Variants in MRPS31 observed in about 807,000 individuals in gnomAD.
MRPS31 encodes the protein mitochondrial ribosomal protein S31.
In MRPS31, 32 loss-of-function variants were observed where a neutral mutation model predicts 43.1. The observed-to-expected ratio is 0.74, with a 90% CI of 0.56 to 1.00. The LOEUF is 1.00. Among genes scored for constraint, MRPS31 ranks in the 50% least tolerant of loss-of-function variants. The pLI is 0.00. For synonymous variants in MRPS31, 165 were observed against 161.6 expected, an observed-to-expected ratio of 1.02 and a Z score of -0.16; for missense variants, 437 against 466.7, an observed-to-expected ratio of 0.94 and a Z score of 0.59.
Position 40,770,999 on chromosome 13 carries a change from T to A in MRPS31, c.138A>T (p.Ser46=), listed in dbSNP as rs199578471. Residue 46 remains serine (S), a synonymous_variant, in exon 1 of 7, where the codon TCA becomes TCT. Coordinates refer to ENST00000323563, the MANE Select transcript of MRPS31 (RefSeq NM_005830.4). ...TGAGGACCTACCGGGCCAACAGCGCTGAACTGCGGTACCTGACTGTTCCGT... is the reference window on the plus strand; with the variant it reads ...TGAGGACCTACCGGGCCAACAGCGCAGAACTGCGGTACCTGACTGTTCCGT... The part of the protein sequence containing the change: ...VRHGTVRYRS[S]ALLARTKNNI... 7.4e-5 allele frequency: 119 copies of A among 1,614,130 alleles called. No homozygotes were observed. In the African/African-American group the frequency reaches 1.4e-3, roughly 19 times the overall value.
intron 2 of MRPS31, among the ~76,000 whole-genome samples, chr13:40,763,616 A>G (rs1305591533): frequency 6.6e-6 from 1 of 152,170 alleles, no homozygotes; most frequent in Non-Finnish European, 1.5e-5. Context: ...TAAGCAGATT[A>G]TACTTTCAGA....
At chr13:40,745,416 C>T (rs1043726530) in intron 6 of MRPS31, among the ~76,000 whole-genome samples, 28 of 151,948 alleles carry the variant, frequency 1.8e-4, no homozygotes, top group African/African-American at 6.3e-4. Context: ...CCAAGCCCGG[C>T]TAATTTTGTA....
intron 6 of MRPS31, among the ~76,000 whole-genome samples, chr13:40,747,011 C>T (rs1238495272): frequency 2.6e-5 from 4 of 152,118 alleles, no homozygotes. Flanking sequence ...CTTCTAAAAC[C>T]ACTATGCTTC....
intron 2 of MRPS31, among the ~76,000 whole-genome samples, chr13:40,762,731 T>C (rs1243936593): frequency 1.4e-5 from 2 of 146,452 alleles, no homozygotes; most frequent in Non-Finnish European, 2.9e-5. Context: ...CTGGCCCAAC[T>C]CCATCACTCT....
chr13:40,758,918 A>G (rs1880613692), intron 3 of MRPS31, 30 bp downstream of exon 3: 3 of 1,513,688 alleles, frequency 2.0e-6, no homozygotes, highest in African/African-American at 1.4e-5. Context: ...AGATATAAAC[A>G]TTACTGACTT....
intron 2 of MRPS31, among the ~76,000 whole-genome samples, chr13:40,761,107 GAA>G (rs199553443): frequency 1.4e-5 from 2 of 144,236 alleles, no homozygotes; most frequent in Admixed American, 6.9e-5. Context: ...AAAAAGAAAA[GAA>G]AAAAAAAAAT....
chr13:40,758,262 C>T (rs7317013), intron 3 of MRPS31, among the ~76,000 whole-genome samples: 150,935 of 152,308 alleles, frequency 0.99, 74,804 homozygotes, highest in Middle Eastern at 1. Flanking sequence ...TCTTGCTTTT[C>T]TGCCCAGGCT....
rs35175719 is a variant in MRPS31 at position 40,745,751 on chromosome 13, A to AC, written c.958+3386dup. ...TTTTTATGTTGTATTAAAGAAGCCA[A>AC]CCCCCCAACAAATCCTCCACCCCCA... On this transcript the variant is annotated intron_variant, in intron 6 of 6. Transcript: ENST00000323563. 1.2e-4 allele frequency among the ~76,000 whole-genome samples: 18 copies of AC among 152,078 alleles called. No homozygotes were observed. In the East Asian group the frequency reaches 3.5e-3, roughly 29 times the overall value.
chr13:40,748,068 T>G (rs1460628318), intron 6 of MRPS31, among the ~76,000 whole-genome samples: 1 of 152,238 alleles, frequency 6.6e-6, no homozygotes, highest in Non-Finnish European at 1.5e-5. Context: ...TTATGAAGGT[T>G]AAAATACAGA....
At chr13:40,750,947 A>G (rs1880374538) in intron 5 of MRPS31, among the ~76,000 whole-genome samples, 1 of 152,010 alleles carries the variant, frequency 6.6e-6, no homozygotes, top group Admixed American at 6.6e-5. Flanking sequence ...CATAGATTGC[A>G]TATGACCTAT....
intron 5 of MRPS31, among the ~76,000 whole-genome samples, chr13:40,752,734 A>G (rs1880425720): frequency 6.6e-6 from 1 of 151,290 alleles, no homozygotes; most frequent in East Asian, 2.0e-4. Flanking sequence ...ATCATATACA[A>G]CATTCTTTTT....
At chr13:40,759,505 T>C (rs1197101843) in intron 2 of MRPS31, among the ~76,000 whole-genome samples, 1 of 152,162 alleles carries the variant, frequency 6.6e-6, no homozygotes, top group Non-Finnish European at 1.5e-5. Context: ...ATTACACCAT[T>C]AGTTTAGTGA....
chr13:40,761,584 A>G (rs764764813), intron 2 of MRPS31, among the ~76,000 whole-genome samples: 10 of 152,184 alleles, frequency 6.6e-5, no homozygotes, highest in Non-Finnish European at 1.3e-4. Flanking sequence ...ATTTTTACAT[A>G]CAGGGATCTT....
At position 40,747,653 on chromosome 13, in the gene MRPS31, G is replaced by A. The variant is rs143791849; in HGVS notation, c.958+1485C>T. On this transcript the variant is annotated intron_variant, in intron 6 of 6. Coordinates refer to ENST00000323563, the MANE Select transcript of MRPS31 (RefSeq NM_005830.4). ...AGCACTTTGGGAGGCCAAGGCGGGT[G>A]GATCACCCGAGGTCTGGAGTTTGAG... Among the ~76,000 whole-genome samples, 370 of 152,278 alleles carry A rather than the reference G, an allele frequency of 2.4e-3. 2 individuals carry two copies. The highest frequency in any genetic ancestry group is 8.2e-3 in the African/African-American group (340 of 41,538).
At chr13:40,761,785 C>G (rs936778957) in intron 2 of MRPS31, among the ~76,000 whole-genome samples, 1 of 152,012 alleles carries the variant, frequency 6.6e-6, no homozygotes, top group Non-Finnish European at 1.5e-5. Flanking sequence ...GGGAAAGAAA[C>G]TGAGTGGATA....
chr13:40,762,809 TGTGTGTGTGTGTGTG>T (rs998225212), intron 2 of MRPS31, among the ~76,000 whole-genome samples: 3 of 149,760 alleles, frequency 2.0e-5, no homozygotes, highest in Non-Finnish European at 4.5e-5. Flanking sequence ...TGTGTGTGTG[TGTGTGTGTGTGTGTG>T]TGTGTGTGTG....
At chr13:40,762,713 G>A (rs959746626) in intron 2 of MRPS31, among the ~76,000 whole-genome samples, 2 of 151,606 alleles carry the variant, frequency 1.3e-5, no homozygotes, top group Non-Finnish European at 2.9e-5. Context: ...TGGGATTACA[G>A]GCTGTGCCTG....
At chr13:40,737,108 CA>C (rs1304236592) in intron 6 of MRPS31, among the ~76,000 whole-genome samples, 1 of 150,648 alleles carries the variant, frequency 6.6e-6, no homozygotes, top group Non-Finnish European at 1.5e-5. Flanking sequence ...AAATGGAAAA[CA>C]AAAAAAGGCA....
chr13:40,768,916 C>T (rs1880922867), intron 1 of MRPS31, among the ~76,000 whole-genome samples: 2 of 152,112 alleles, frequency 1.3e-5, no homozygotes, highest in Middle Eastern at 3.2e-3. Flanking sequence ...CAAACTGTTG[C>T]CCACAGAAGT....
Sources: gnomAD v4.1 joint callset for allele counts (sites outside exome capture counted in the v4.1 genomes callset) on GRCh38, gnomAD v4.1.1 for gene constraint, MANE v1.5 for transcripts, NCBI Gene and HGNC (gene_info 2026-07-23, HGNC 2026-07-21) for gene names.